TMEM43: variants seen among roughly 807,000 people sequenced by gnomAD.
TMEM43 encodes the protein transmembrane protein 43, also known as arrhythmogenic right ventricular dysplasia 5.
Under a neutral mutation model 49.6 loss-of-function variants are expected in TMEM43, and 45 were observed. The ratio of observed to expected loss-of-function variants is 0.91; its 90% confidence interval spans 0.71 to 1.16. The LOEUF (loss-of-function observed/expected upper bound fraction) is 1.16. Among genes scored for constraint, TMEM43 ranks in the 50% most tolerant of loss-of-function variants. The pLI is 0.00. For missense variants in TMEM43, 532 were observed against 516.6 expected (o/e 1.03, Z -0.29); for synonymous variants, 199 against 207.8 (o/e 0.96, Z 0.36).
intron 7 of TMEM43, among the ~76,000 whole-genome samples, chr3:14,134,404 G>A (rs962851970): frequency 6.6e-6 from 1 of 152,294 alleles, no homozygotes; most frequent in African/African-American, 2.4e-5. Context: ...CGCTTTCTGT[G>A]TGCTTTGTTG....
chr3:14,132,101 G>A (rs901483482), intron 4 of TMEM43, among the ~76,000 whole-genome samples: 1 of 152,192 alleles, frequency 6.6e-6, no homozygotes, highest in African/African-American at 2.4e-5. Context: ...GGTTCTCATT[G>A]ATCAGGGCTG....
chr3:14,128,815 G>T (rs771490323), intron 1 of TMEM43: 8 of 375,590 alleles, frequency 2.1e-5, no homozygotes, highest in South Asian at 1.6e-4. Flanking sequence ...CTGCATAAAG[G>T]TTCATGTATG....
chr3:14,141,315 ATAAAGTAT>A (rs1470867169), intron 11 of TMEM43, among the ~76,000 whole-genome samples: 1 of 152,218 alleles, frequency 6.6e-6, no homozygotes. Context: ...TACTCTCCAC[ATAAAGTAT>A]TAAAGTTTAC....
At chr3:14,125,870 C>G (rs1192018334) in intron 1 of TMEM43, among the ~76,000 whole-genome samples, 1 of 152,186 alleles carries the variant, frequency 6.6e-6, no homozygotes, top group East Asian at 1.9e-4. Flanking sequence ...CTGCAACTAG[C>G]CTTTCTCGGG....
At chr3:14,138,657 C>T (rs1295955149) in intron 10 of TMEM43, among the ~76,000 whole-genome samples, 2 of 152,114 alleles carry the variant, frequency 1.3e-5, no homozygotes, top group East Asian at 3.9e-4. Flanking sequence ...AGGGTCACGG[C>T]ATGTGGAGGC....
chr3:14,131,943 G>A (rs1392377646), intron 4 of TMEM43, among the ~76,000 whole-genome samples: 1 of 152,194 alleles, frequency 6.6e-6, no homozygotes, highest in Non-Finnish European at 1.5e-5. Context: ...AGCATGACTT[G>A]GAGCAGGCCT....
intron 1 of TMEM43, among the ~76,000 whole-genome samples, chr3:14,126,542 C>T (rs1695024250): frequency 6.6e-6 from 1 of 152,224 alleles, no homozygotes; most frequent in Non-Finnish European, 1.5e-5. Flanking sequence ...TGGCTTTCAT[C>T]TCTCCAGGTT....
chr3:14,125,421 C>G (rs1367857617), intron 1 of TMEM43, among the ~76,000 whole-genome samples: 1 of 152,358 alleles, frequency 6.6e-6, no homozygotes, highest in East Asian at 1.9e-4. Flanking sequence ...CCTTGGCTCG[C>G]CTCGTCCTCG....
At chr3:14,134,134 G>A (rs955164698) in intron 7 of TMEM43, among the ~76,000 whole-genome samples, 4 of 152,202 alleles carry the variant, frequency 2.6e-5, no homozygotes, top group Non-Finnish European at 5.9e-5. Flanking sequence ...AGCAGACTCC[G>A]GCTAGTAGTA....
At chr3:14,139,425 T>A (rs956030201) in intron 11 of TMEM43, 128 bp downstream of exon 11, 1 of 755,828 alleles carries the variant, frequency 1.3e-6, no homozygotes, top group Non-Finnish European at 2.4e-6. Context: ...ATTTGGCTCA[T>A]CTCTGTGTCC....
chr3:14,132,050 T>C (rs1265717269), intron 4 of TMEM43, among the ~76,000 whole-genome samples: 1 of 137,586 alleles, frequency 7.3e-6, no homozygotes, highest in African/African-American at 2.6e-5. Flanking sequence ...CCATCTTTGC[T>C]CTACTTACAG....
chr3:14,129,205 T>A (rs1369970164), intron 1 of TMEM43: 2 of 490,674 alleles, frequency 4.1e-6, no homozygotes, highest in African/African-American at 3.9e-5. Flanking sequence ...GGAAATATTT[T>A]GTACCTTGCT....
At position 14,142,884 on chromosome 3, in the gene TMEM43, A is replaced by C. The variant is rs1695270989; in HGVS notation, c.*1089A>C. ...ATTAAGAGAAAAGGTTGGAAGCTTT[A>C]TACTAAATGGGCTCCTTCATGGTGA... On this transcript the variant is annotated 3_prime_UTR_variant, in exon 12 of 12. Coordinates refer to ENST00000306077, the MANE Select transcript of TMEM43 (RefSeq NM_024334.3). The C allele has an allele frequency of 6.6e-6, 1 of 152,304 alleles. No homozygotes were observed. Among genetic ancestry groups the C allele is most frequent in the Non-Finnish European group, 1.5e-5 (1 of 68,052 alleles). 9.4% of individuals were successfully genotyped at this position (152,304 alleles called of 1,614,324 possible). A position where few individuals can be genotyped will look rare whatever the true frequency, so the allele number is the denominator to read the frequency against.
intron 6 of TMEM43, among the ~76,000 whole-genome samples, chr3:14,133,226 T>C (rs1695120984): frequency 6.6e-6 from 1 of 152,150 alleles, no homozygotes; most frequent in Non-Finnish European, 1.5e-5. Context: ...TGGTTTGCCA[T>C]GGGTGGGAGG....
At chr3:14,132,353 C>T (rs921788442) in intron 4 of TMEM43, among the ~76,000 whole-genome samples, 193 bp from the exon 5 acceptor site, 5 of 152,150 alleles carry the variant, frequency 3.3e-5, no homozygotes, top group African/African-American at 9.7e-5. Flanking sequence ...CTCCAGGTAG[C>T]GCCTTGGAGG....
chr3:14,135,660 C>G, intron 9 of TMEM43, 147 bp from the exon 10 acceptor site: 1 of 638,398 alleles, frequency 1.6e-6, no homozygotes, highest in Non-Finnish European at 2.8e-6. Context: ...TGGATGCATC[C>G]CAGATGGATG....
At position 14,135,222 on chromosome 3, in the gene TMEM43, C is replaced by G. The variant is rs1300156905; in HGVS notation, c.770C>G (p.Pro257Arg). 6.2e-7 allele frequency: 1 copy of G among 1,612,194 alleles called. No individual in the cohort carries two copies. The highest frequency in any genetic ancestry group is 8.5e-7 in the Non-Finnish European group (1 of 1,179,934). Reference sequence around the variant, plus strand: ...AGCGGCGATGACCCTGACCTGGGCCCAGCTCACGTGGTAACCTGGCTTCCC... The same window carrying G: ...AGCGGCGATGACCCTGACCTGGGCCGAGCTCACGTGGTAACCTGGCTTCCC... ...GLSGDDPDLG[P>R]AHVVTVIARQ... The change falls in exon 9 of 12, where the codon CCA becomes CGA. Residue 257 changes from proline to arginine, a missense_variant. Transcript: ENST00000306077.
chr3:14,138,657 C>CA (rs1203778862), intron 10 of TMEM43, among the ~76,000 whole-genome samples: 1 of 152,114 alleles, frequency 6.6e-6, no homozygotes, highest in East Asian at 1.9e-4. Context: ...AGGGTCACGG[C>CA]ATGTGGAGGC....
intron 11 of TMEM43, among the ~76,000 whole-genome samples, chr3:14,140,325 G>A (rs548370691): frequency 2.1e-4 from 32 of 152,236 alleles, no homozygotes; most frequent in African/African-American, 5.5e-4. Context: ...TGGTTTCCTC[G>A]TGTCTGTCTC....
Sources: allele counts gnomAD v4.1 joint callset (sites outside exome capture counted in the v4.1 genomes callset), GRCh38; gene constraint gnomAD v4.1.1; transcripts MANE v1.5; gene names NCBI Gene and HGNC (gene_info 2026-07-23, HGNC 2026-07-21).